Variants in CCDC191 observed in about 807,000 individuals in gnomAD.
CCDC191 encodes coiled-coil domain-containing protein 191.
In CCDC191, 99 loss-of-function variants were observed where a neutral mutation model predicts 114.0. The ratio of observed to expected loss-of-function variants is 0.87; its 90% CI spans 0.74 to 1.03. The LOEUF (loss-of-function observed/expected upper bound fraction) is 1.03, where lower values mean the gene tolerates loss of function less well. Among genes scored for constraint, CCDC191 ranks in the 50% least tolerant of loss-of-function variants. The probability of loss-of-function intolerance (pLI) is 0.00; values close to 1 mark genes in which losing one functional copy is unlikely to be tolerated. For synonymous variants in CCDC191, 351 were observed against 376.0 expected, an observed-to-expected ratio of 0.93 and a Z score of 0.77; for missense variants, 973 against 1,087.0, an observed-to-expected ratio of 0.90 and a Z score of 1.47.
At position 114,018,695 on chromosome 3, in the gene CCDC191, A is replaced by C. The variant is rs747470336; in HGVS notation, c.1146T>G (p.Asp382Glu). The C allele has an allele frequency of 8.7e-6, 14 of 1,611,142 alleles. No individual in the cohort carries two copies. The highest frequency in any genetic ancestry group is 1.7e-5 in the Admixed American group (1 of 59,434). ...AATGATACCTGTTTTCTTCCCTAAG[A>C]TCATTTTCCAAGGCTTGAGTCTCCC... is the stretch of plus-strand genomic sequence containing the variant. Reference protein sequence around the residue: ...LERETQALENDLREENRKQQL... With the variant: ...LERETQALENELREENRKQQL... Residue 382 changes from aspartate to glutamate, a missense_variant, in exon 8 of 17, where the codon GAT becomes GAG. Coordinates refer to ENST00000295878, the MANE Select transcript of CCDC191 (RefSeq NM_020817.2).
chr3:114,006,619 A>AT (rs1559903359), intron 9 of CCDC191, among the ~76,000 whole-genome samples: 121 of 92,398 alleles, frequency 1.3e-3, no homozygotes, highest in African/African-American at 2.2e-3. Flanking sequence ...TATATATATA[A>AT]ATATATATAT....
At chr3:113,994,812 G>T (rs1039815148) in intron 13 of CCDC191, among the ~76,000 whole-genome samples, 1 of 151,842 alleles carries the variant, frequency 6.6e-6, no homozygotes, top group Non-Finnish European at 1.5e-5. Context: ...CAACTTTTGG[G>T]CTCAAGAAAT....
intron 13 of CCDC191, among the ~76,000 whole-genome samples, chr3:113,982,862 A>AC (rs1359489903): frequency 1.2e-4 from 18 of 151,120 alleles, no homozygotes; most frequent in South Asian, 2.1e-4. Flanking sequence ...AAAAACAAAA[A>AC]AAAAAAAACC....
rs896414969 is a variant in CCDC191, at chr3:114,056,313, G to A, written c.90+64C>T. 4.6e-6 allele frequency: 7 copies of A among 1,508,468 alleles called. No homozygotes were observed. In the African/African-American group the frequency reaches 6.9e-5, roughly 15 times the overall value. 93.4% of individuals were successfully genotyped at this position (1,508,468 alleles called of 1,614,324 possible). A position where few individuals can be genotyped will look rare whatever the true frequency, so the allele number is the denominator to read the frequency against. ...CAGGAAGCACAGACGGGCCGCGACT[G>A]GCTTCCTGACTGCGCCGCGCCTTGG... is the stretch of plus-strand genomic sequence containing the variant. On this transcript the variant is annotated intron_variant, in intron 1 of 16. Coordinates refer to ENST00000295878, the MANE Select transcript of CCDC191 (RefSeq NM_020817.2).
chr3:114,000,206 C>G (rs2075827739), intron 13 of CCDC191, among the ~76,000 whole-genome samples: 1 of 152,206 alleles, frequency 6.6e-6, no homozygotes, highest in Admixed American at 6.5e-5. Flanking sequence ...AGTAGATTGC[C>G]CTCACTAATG....
chr3:113,999,468 A>C (rs1201788169), intron 13 of CCDC191, among the ~76,000 whole-genome samples: 2 of 152,196 alleles, frequency 1.3e-5, no homozygotes, highest in Non-Finnish European at 2.9e-5. Flanking sequence ...TTTGGAATAC[A>C]GGAGATTTGT....
At chr3:114,053,722 T>C (rs2076728329) in intron 1 of CCDC191, 87 bp from the exon 2 acceptor site, 7 of 785,540 alleles carry the variant, frequency 8.9e-6, no homozygotes, top group Non-Finnish European at 1.4e-5. Flanking sequence ...CTAAAGCATA[T>C]GGAACAGTGT....
intron 9 of CCDC191, among the ~76,000 whole-genome samples, chr3:114,008,573 TAAAAG>T: frequency 1.3e-5 from 2 of 152,082 alleles, no homozygotes; most frequent in Non-Finnish European, 2.9e-5. Flanking sequence ...AGAGCAGTGA[TAAAAG>T]AAGAAGCCGA....
At chr3:114,021,934 TATAGTC>T (rs928106515) in intron 7 of CCDC191, among the ~76,000 whole-genome samples, 4 of 152,162 alleles carry the variant, frequency 2.6e-5, no homozygotes, top group African/African-American at 7.2e-5. Flanking sequence ...GATTTTCAAA[TATAGTC>T]AGGCACTCTT....
intron 13 of CCDC191, among the ~76,000 whole-genome samples, chr3:113,997,601 C>T (rs574430394): frequency 8.0e-4 from 122 of 152,260 alleles, no homozygotes; most frequent in African/African-American, 2.7e-3. Flanking sequence ...ATAATGGGGG[C>T]ATGTCAAAGG....
chr3:113,968,453 T>TC (rs372382397), intron 16 of CCDC191, among the ~76,000 whole-genome samples: 181 of 151,180 alleles, frequency 1.2e-3, no homozygotes, highest in Middle Eastern at 6.8e-3. Context: ...ATTTAGATCT[T>TC]CCCCCCCCTT....
intron 8 of CCDC191, among the ~76,000 whole-genome samples, chr3:114,012,123 G>A (rs548164391): frequency 6.6e-6 from 1 of 152,230 alleles, no homozygotes; most frequent in East Asian, 1.9e-4. Flanking sequence ...AGTGAGTCAG[G>A]AGACCATTTC....
chr3:114,017,559 T>C lies in CCDC191; in HGVS notation c.1163+1119A>G, dbSNP rs187517019. Among the ~76,000 whole-genome samples, 94 of 152,356 alleles carry C rather than the reference T, an allele frequency of 6.2e-4. 1 individual carries two copies. Among genetic ancestry groups the C allele is most frequent in the African/African-American group, 2.2e-3 (91 of 41,586 alleles). On this transcript the variant is annotated intron_variant, in intron 8 of 16. Coordinates refer to ENST00000295878, the MANE Select transcript of CCDC191 (RefSeq NM_020817.2). Reference sequence around the variant, plus strand: ...CTTTAAGAGGCACCATGCCCTTCTATGTAACAATACTGACATTTATCATTC... The same window carrying C: ...CTTTAAGAGGCACCATGCCCTTCTACGTAACAATACTGACATTTATCATTC...
At chr3:114,030,124 A>G (rs1030901066) in intron 7 of CCDC191, among the ~76,000 whole-genome samples, 3 of 152,178 alleles carry the variant, frequency 2.0e-5, no homozygotes, top group Non-Finnish European at 4.4e-5. Context: ...AGTTGGGTGA[A>G]GGTTATTCAG....
intron 13 of CCDC191, among the ~76,000 whole-genome samples, chr3:113,996,869 TG>T (rs1051456054): frequency 4.8e-4 from 12 of 25,034 alleles, no homozygotes; most frequent in Admixed American, 2.8e-3. Context: ...TGGGGCCTGC[TG>T]GGGGGTGGGG....
chr3:113,975,912 T>C (rs1009202828), intron 16 of CCDC191, among the ~76,000 whole-genome samples: 3 of 152,202 alleles, frequency 2.0e-5, no homozygotes, highest in Admixed American at 6.5e-5. Flanking sequence ...GATTCCTACA[T>C]TGATTTCACA....
chr3:113,982,489 A>C (rs1413006208), intron 13 of CCDC191, among the ~76,000 whole-genome samples: 1 of 152,162 alleles, frequency 6.6e-6, no homozygotes, highest in African/African-American at 2.4e-5. Flanking sequence ...GATGGCACTT[A>C]TAGTGGGGAT....
At chr3:114,055,931 T>C (rs1577493563) in intron 1 of CCDC191, among the ~76,000 whole-genome samples, 1 of 149,946 alleles carries the variant, frequency 6.7e-6, no homozygotes, top group Middle Eastern at 3.4e-3. Context: ...ATACTTTACG[T>C]AAAAGTGAAG....
intron 9 of CCDC191, among the ~76,000 whole-genome samples, chr3:114,008,091 A>G (rs942833066): frequency 4.1e-5 from 6 of 147,136 alleles, no homozygotes; most frequent in Non-Finnish European, 1.5e-5. Context: ...TATATATATA[A>G]ATTACTATAT....
Sources: allele counts gnomAD v4.1 joint callset (sites outside exome capture counted in the v4.1 genomes callset), GRCh38; gene constraint gnomAD v4.1.1; transcripts MANE v1.5; gene names NCBI Gene and HGNC (gene_info 2026-07-23, HGNC 2026-07-21).